GALNTL6: variants seen among roughly 807,000 people sequenced by gnomAD.
GALNTL6 encodes polypeptide N-acetylgalactosaminyltransferase like 6.
In GALNTL6, 46 loss-of-function variants were observed where a neutral mutation model predicts 73.7. That is an observed-to-expected ratio of 0.62 (90% CI 0.49 to 0.80). The LOEUF is 0.80. Ranked by LOEUF, GALNTL6 falls within the 30% of genes least tolerant of loss-of-function variation. GALNTL6 has a pLI of 0.00. For synonymous variants in GALNTL6, 259 were observed against 263.7 expected, an observed-to-expected ratio of 0.98 and a Z score of 0.17; for missense variants, 604 against 755.0, an observed-to-expected ratio of 0.80 and a Z score of 2.34.
chr4:172,625,868 A>T (rs1454572193), intron 5 of GALNTL6, among the ~76,000 whole-genome samples: 1 of 150,772 alleles, frequency 6.6e-6, no homozygotes, highest in Admixed American at 6.6e-5. Context: ...TTTTAATGGG[A>T]TTTTTTTTCT....
At chr4:171,874,639 T>C (rs1213714784) in intron 2 of GALNTL6, among the ~76,000 whole-genome samples, 3 of 152,138 alleles carry the variant, frequency 2.0e-5, no homozygotes, top group African/African-American at 7.2e-5. Context: ...GGTCCAGCCA[T>C]AGGGAGTTGT....
At chr4:171,817,904 AT>A (rs1734563244) in intron 2 of GALNTL6, among the ~76,000 whole-genome samples, 1 of 151,436 alleles carries the variant, frequency 6.6e-6, no homozygotes, top group South Asian at 2.1e-4. Flanking sequence ...TAAAAATTAT[AT>A]TTTTAAATTT....
intron 7 of GALNTL6, among the ~76,000 whole-genome samples, chr4:172,878,839 GTA>G (rs1745316078): frequency 6.6e-6 from 1 of 151,712 alleles, no homozygotes; most frequent in South Asian, 2.1e-4. Context: ...CAAGATGCAA[GTA>G]TATGTTACCT....
chr4:172,280,192 T>C (rs1014010190), intron 3 of GALNTL6, among the ~76,000 whole-genome samples: 2 of 152,232 alleles, frequency 1.3e-5, no homozygotes, highest in Non-Finnish European at 2.9e-5. Context: ...ACTAATTAGC[T>C]ATATCCTTAA....
rs371352032 is a variant in GALNTL6, at chr4:172,225,292, C to T, written c.139-4364C>T. Reference sequence around the variant, plus strand: ...CTTTCAAAACCAATGTAATCATATACAAATGCGCTGAGATTGATTTAGATT... The same window carrying T: ...CTTTCAAAACCAATGTAATCATATATAAATGCGCTGAGATTGATTTAGATT... On this transcript the variant is annotated intron_variant, in intron 2 of 12. Transcript: ENST00000506823. 2.4e-4 allele frequency among the ~76,000 whole-genome samples: 37 copies of T among 152,132 alleles called. 1 individual carries two copies. In the East Asian group the frequency reaches 7.2e-3, roughly 29 times the overall value.
rs575043101 is a variant in GALNTL6 at position 172,395,666 on chromosome 4, A to G, written c.553+46977A>G. 3.3e-5 allele frequency among the ~76,000 whole-genome samples: 5 copies of G among 152,290 alleles called. No individual in the cohort carries two copies. The East Asian group carries it at 9.7e-4, about 29-fold the overall frequency. On this transcript the variant is annotated intron_variant, in intron 5 of 12. Transcript: ENST00000506823. ...TAGAAGTCTGACTTAATGTAGTTCA[A>G]TAAAGAAAAAGAATAATCCCTGAAC...
At chr4:172,462,884 A>G (rs1417946623) in intron 5 of GALNTL6, among the ~76,000 whole-genome samples, 1 of 152,198 alleles carries the variant, frequency 6.6e-6, no homozygotes, top group African/African-American at 2.4e-5. Context: ...GGATACTCCA[A>G]ACAAGCACCT....
chr4:172,707,126 CAGTT>C (rs753863727), intron 5 of GALNTL6, among the ~76,000 whole-genome samples: 9 of 152,268 alleles, frequency 5.9e-5, no homozygotes, highest in Non-Finnish European at 8.8e-5. Flanking sequence ...AGGGGTGTCA[CAGTT>C]AGAGTTTTAT....
intron 5 of GALNTL6, among the ~76,000 whole-genome samples, chr4:172,716,259 T>G (rs939663095): frequency 1.3e-5 from 2 of 152,142 alleles, no homozygotes; most frequent in Non-Finnish European, 2.9e-5. Flanking sequence ...CCATAGTCCC[T>G]GGGCTAAGAA....
chr4:172,161,299 A>G (rs1371969088), intron 2 of GALNTL6, among the ~76,000 whole-genome samples: 2 of 152,012 alleles, frequency 1.3e-5, no homozygotes, highest in Non-Finnish European at 2.9e-5. Context: ...GTATATGTGT[A>G]TATTTTTTCT....
intron 2 of GALNTL6, among the ~76,000 whole-genome samples, chr4:172,156,911 A>G (rs1243888067): frequency 6.6e-6 from 1 of 152,124 alleles, no homozygotes; most frequent in Non-Finnish European, 1.5e-5. Context: ...TACTTGTTAT[A>G]TATATGCTTA....
chr4:172,108,690 G>A (rs1385902019), intron 2 of GALNTL6, among the ~76,000 whole-genome samples: 1 of 152,006 alleles, frequency 6.6e-6, no homozygotes, highest in Non-Finnish European at 1.5e-5. Flanking sequence ...ACCATTACAA[G>A]TATCAGGGGG....
intron 5 of GALNTL6, among the ~76,000 whole-genome samples, chr4:172,363,369 T>A (rs1355420720): frequency 6.6e-6 from 1 of 152,158 alleles, no homozygotes; most frequent in Admixed American, 6.5e-5. Flanking sequence ...CGCCATTTAC[T>A]GTGTGGCCTT....
At chr4:172,540,778 G>A (rs1435113402) in intron 5 of GALNTL6, among the ~76,000 whole-genome samples, 1 of 152,156 alleles carries the variant, frequency 6.6e-6, no homozygotes, top group Non-Finnish European at 1.5e-5. Flanking sequence ...AAGACCTGAA[G>A]TCAATAGAAA....
At chr4:172,433,421 C>T (rs1037947745) in intron 5 of GALNTL6, among the ~76,000 whole-genome samples, 39 of 152,194 alleles carry the variant, frequency 2.6e-4, no homozygotes, top group African/African-American at 6.3e-4. Flanking sequence ...CAGGGCAATA[C>T]GTTTTTATAT....
At chr4:172,975,709 GC>G in intron 10 of GALNTL6, among the ~76,000 whole-genome samples, 1 of 152,264 alleles carries the variant, frequency 6.6e-6, no homozygotes, top group African/African-American at 2.4e-5. Flanking sequence ...CCTTGCCTCA[GC>G]CCCCCTTCCA....
intron 5 of GALNTL6, among the ~76,000 whole-genome samples, chr4:172,712,684 C>A (rs569256383): frequency 6.6e-6 from 1 of 152,132 alleles, no homozygotes; most frequent in East Asian, 1.9e-4. Flanking sequence ...TGTGTCTGTG[C>A]CATTTGTGAA....
chr4:172,616,667 A>T (rs867066770), intron 5 of GALNTL6, among the ~76,000 whole-genome samples: 9 of 150,374 alleles, frequency 6.0e-5, no homozygotes, highest in South Asian at 2.1e-4. Context: ...TGAGTGTTCT[A>T]TTTGCAGGTA....
At chr4:172,005,160 T>C (rs1740799254) in intron 2 of GALNTL6, among the ~76,000 whole-genome samples, 1 of 152,068 alleles carries the variant, frequency 6.6e-6, no homozygotes, top group Non-Finnish European at 1.5e-5. Context: ...GGTCTCACTC[T>C]GTCACCCAGG....
Sources: allele counts gnomAD v4.1 joint callset (sites outside exome capture counted in the v4.1 genomes callset), GRCh38; gene constraint gnomAD v4.1.1; transcripts MANE v1.5; gene names NCBI Gene and HGNC (gene_info 2026-07-23, HGNC 2026-07-21).